Variants in NECTIN3 observed in about 807,000 individuals in gnomAD.
NECTIN3 encodes the protein nectin cell adhesion molecule 3.
A neutral mutation model predicts 49.4 loss-of-function variants in NECTIN3; 8 were observed. The ratio of observed to expected loss-of-function variants is 0.16; its 90% CI spans 0.10 to 0.29. The LOEUF (loss-of-function observed/expected upper bound fraction) is 0.29, where lower values mean the gene tolerates loss of function less well. Among genes scored for constraint, NECTIN3 ranks in the 10% least tolerant of loss-of-function variants. The pLI, the probability that NECTIN3 is intolerant of heterozygous loss-of-function variation, is 1.00. For missense variants in NECTIN3, 581 were observed against 654.6 expected (o/e 0.89, Z 1.23); for synonymous variants, 277 against 241.1 (o/e 1.15, Z -1.38).
chr3:111,192,515 C>T, intron 1 of NECTIN3: 5 of 1,181,334 alleles, frequency 4.2e-6, no homozygotes, highest in Non-Finnish European at 5.9e-6. Flanking sequence ...ATTCATCTTT[C>T]CCCTATTTGA....
intron 7 of NECTIN3, among the ~76,000 whole-genome samples, chr3:111,186,873 A>G (rs1168936035): frequency 3.3e-5 from 5 of 152,220 alleles, no homozygotes; most frequent in African/African-American, 1.2e-4. Flanking sequence ...TTTCTAGGAA[A>G]AGATACAAGA....
intron 7 of NECTIN3, among the ~76,000 whole-genome samples, chr3:111,155,041 G>A (rs1010465486): frequency 2.6e-5 from 4 of 152,008 alleles, no homozygotes; most frequent in South Asian, 2.1e-4. Context: ...AGGTTCAAGC[G>A]ATTCTCCTGC....
rs767199815 is a variant in NECTIN3 at position 111,133,630 on chromosome 3, A to T, written c.1070-5A>T. On this transcript the variant is annotated splice_polypyrimidine_tract_variant and splice_region_variant and intron_variant, in intron 5 of 5. Coordinates refer to ENST00000485303, the MANE Select transcript of NECTIN3 (RefSeq NM_015480.3). ...TGTCTTCTCTATCTTTACTGTTTCC[A>T]TTAGATCCTCCTACTACTACCACCC... 1 of 1,609,662 alleles carries T rather than the reference A, an allele frequency of 6.2e-7. No individual in the cohort carries two copies. The highest frequency in any genetic ancestry group is 1.1e-5 in the South Asian group (1 of 90,320).
At position 111,133,834 on chromosome 3, in the gene NECTIN3, T is replaced by C. The variant is rs1328767026; in HGVS notation, c.1269T>C (p.Ala423=). ...ALFIVLVSVL[A]GIFCYRRRRT... ...TCATAGTACTTGTAAGTGTTTTGGC[T>C]GGAATATTCTGCTATAGGAGAAGAC... Residue 423 remains alanine (A), a synonymous_variant, in exon 6 of 6, where the codon GCT becomes GCC. Transcript: ENST00000485303. 1 of 1,613,974 alleles carries C rather than the reference T, an allele frequency of 6.2e-7. No homozygotes were observed. The highest frequency in any genetic ancestry group is 8.5e-7 in the Non-Finnish European group (1 of 1,179,894).
chr3:111,157,233 T>C (rs972089132), intron 7 of NECTIN3, among the ~76,000 whole-genome samples: 1 of 152,168 alleles, frequency 6.6e-6, no homozygotes, highest in African/African-American at 2.4e-5. Context: ...CCTGTTAAAA[T>C]CATTTTCGTA....
At chr3:111,095,295 G>A (rs78512373) in intron 1 of NECTIN3, among the ~76,000 whole-genome samples, 1,999 of 151,578 alleles carry the variant, frequency 0.013, 31 homozygotes, top group African/African-American at 0.044. Context: ...TTCAGAAAAG[G>A]TTCCATGTTA....
chr3:111,155,040 C>T (rs2035070174), intron 7 of NECTIN3, among the ~76,000 whole-genome samples: 1 of 152,072 alleles, frequency 6.6e-6, no homozygotes, highest in Admixed American at 6.6e-5. Flanking sequence ...CAGGTTCAAG[C>T]GATTCTCCTG....
intron 1 of NECTIN3, among the ~76,000 whole-genome samples, chr3:111,081,444 ATG>A (rs201881614): frequency 3.0e-4 from 45 of 152,078 alleles, no homozygotes; most frequent in South Asian, 1.0e-3. Flanking sequence ...TTCTCTGTGT[ATG>A]TGTGTGTGTG....
At chr3:111,092,312 A>T (rs1225069369) in intron 1 of NECTIN3, among the ~76,000 whole-genome samples, 2 of 152,288 alleles carry the variant, frequency 1.3e-5, no homozygotes, top group East Asian at 3.9e-4. Context: ...GATAAAATAC[A>T]CTATCTGTTT....
chr3:111,097,542 T>C (rs915706426), intron 1 of NECTIN3, among the ~76,000 whole-genome samples: 1 of 152,190 alleles, frequency 6.6e-6, no homozygotes, highest in African/African-American at 2.4e-5. Flanking sequence ...AAATCTCATC[T>C]TCAATTCCCA....
chr3:111,190,184 G>A (rs114466734), upstream of NECTIN3, among the ~76,000 whole-genome samples: 4,725 of 152,298 alleles, frequency 0.031, 243 homozygotes, highest in African/African-American at 0.11. Flanking sequence ...CCATACATCC[G>A]TGACTGCCCC....
intron 1 of NECTIN3, among the ~76,000 whole-genome samples, chr3:111,082,585 TAA>T (rs141601841): frequency 2.4e-3 from 361 of 152,254 alleles, no homozygotes; most frequent in African/African-American, 8.2e-3. Context: ...GTAATTTTAG[TAA>T]AAGTGGTTAG....
At chr3:111,150,999 C>T (rs865861293) in intron 7 of NECTIN3, among the ~76,000 whole-genome samples, 40 of 151,758 alleles carry the variant, frequency 2.6e-4, no homozygotes, top group Middle Eastern at 3.4e-3. Flanking sequence ...ATAAAGGGGT[C>T]GTGGGGCCAA....
At chr3:111,167,383 G>A (rs1421845954) in intron 7 of NECTIN3, among the ~76,000 whole-genome samples, 1 of 152,104 alleles carries the variant, frequency 6.6e-6, no homozygotes, top group South Asian at 2.1e-4. Context: ...GAAACAACAT[G>A]CAATTTATTC....
chr3:111,097,901 A>G (rs887151222), intron 1 of NECTIN3, among the ~76,000 whole-genome samples: 4 of 152,192 alleles, frequency 2.6e-5, no homozygotes, highest in Admixed American at 6.5e-5. Flanking sequence ...TACATGTATA[A>G]AAATGAAGCT....
chr3:111,149,978 C>T (rs541899973), intron 7 of NECTIN3, among the ~76,000 whole-genome samples: 1 of 151,836 alleles, frequency 6.6e-6, no homozygotes, highest in Non-Finnish European at 1.5e-5. Context: ...AAACTATTTT[C>T]CAAACCAATT....
At position 111,111,862 on chromosome 3, in the gene NECTIN3, G is replaced by C. The variant is rs573706004; in HGVS notation, c.161-168G>C. On this transcript the variant is annotated intron_variant, in intron 1 of 5. Coordinates refer to ENST00000485303, the MANE Select transcript of NECTIN3 (RefSeq NM_015480.3). ...TTTTTGTTACTCAGTTGTACGTTTT[G>C]TGTGTGGTGCGTGTGAGTGCATGTG... 1.9e-3 allele frequency: 1,025 copies of C among 531,426 alleles called. 6 individuals carry two copies. The highest frequency in any genetic ancestry group is 0.015 in the Middle Eastern group (33 of 2,214). 32.9% of individuals were successfully genotyped at this position (531,426 alleles called of 1,614,324 possible).
chr3:111,154,546 G>C (rs187665239), intron 7 of NECTIN3, among the ~76,000 whole-genome samples: 1 of 152,116 alleles, frequency 6.6e-6, no homozygotes, highest in Non-Finnish European at 1.5e-5. Flanking sequence ...CATATGGTAA[G>C]TATGTGTTTA....
intron 2 of NECTIN3, among the ~76,000 whole-genome samples, chr3:111,114,914 G>T (rs541126103): frequency 6.6e-6 from 1 of 152,212 alleles, no homozygotes; most frequent in African/African-American, 2.4e-5. Context: ...CTAACGGCAG[G>T]ACTTAAGTAT....
Sources: gnomAD v4.1 joint callset for allele counts (sites outside exome capture counted in the v4.1 genomes callset) on GRCh38, gnomAD v4.1.1 for gene constraint, MANE v1.5 for transcripts, NCBI Gene and HGNC (gene_info 2026-07-23, HGNC 2026-07-21) for gene names.